The following ELFN1 variants were observed in gnomAD, a reference collection of about 807,000 sequenced individuals.
ELFN1 encodes the protein protein ELFN1.
In ELFN1, 6 loss-of-function variants were observed where a neutral mutation model predicts 7.6. The observed-to-expected ratio is 0.79, with a 90% CI of 0.43 to 1.56. ELFN1 has a LOEUF of 1.56. Ranked by LOEUF, ELFN1 falls within the 40% of genes most tolerant of loss-of-function variation. The probability of loss-of-function intolerance (pLI) is 0.01; values close to 1 mark genes in which losing one functional copy is unlikely to be tolerated. For missense variants in ELFN1, 1,169 were observed against 1,232.2 expected, an observed-to-expected ratio of 0.95 and a Z score of 0.77; for synonymous variants, 657 against 588.1, an observed-to-expected ratio of 1.12 and a Z score of -1.70.
rs1202196779 is a variant in ELFN1, at chr7:1,705,018, G to T, written c.-455-4073G>T. Among the ~76,000 whole-genome samples, 1 of 152,164 alleles carries T rather than the reference G, an allele frequency of 6.6e-6. No homozygotes were observed. Among genetic ancestry groups the T allele is most frequent in the Admixed American group, 6.5e-5 (1 of 15,284 alleles). On this transcript the variant is annotated intron_variant, in intron 2 of 3. Coordinates refer to ENST00000424383, the MANE Select transcript of ELFN1 (RefSeq NM_001128636.4). This position sits in a 1 kb window ranked among gnomAD's most constrained non-coding sequence, Gnocchi z 4.3. ...GGGTGGGTCTGCGAGAGGCTCCCAGGCAGAGGGCACAGCAAGTGCAGAGGG... is the reference window on the plus strand; with the variant it reads ...GGGTGGGTCTGCGAGAGGCTCCCAGTCAGAGGGCACAGCAAGTGCAGAGGG...
intron 3 of ELFN1, among the ~76,000 whole-genome samples, chr7:1,737,104 C>A (rs1320215651): frequency 6.6e-6 from 1 of 152,222 alleles, no homozygotes; most frequent in Non-Finnish European, 1.5e-5. Context: ...ATGGCTCGAA[C>A]ACACCCCCTC....
At chr7:1,674,810 G>T (rs2128573882) in intron 1 of ELFN1, among the ~76,000 whole-genome samples, 1 of 152,282 alleles carries the variant, frequency 6.6e-6, no homozygotes, top group Admixed American at 6.5e-5. Flanking sequence ...GGGCTTCCGA[G>T]GGAGGGATGG....
chr7:1,696,924 C>T (rs777163460), intron 2 of ELFN1, among the ~76,000 whole-genome samples: 7 of 152,192 alleles, frequency 4.6e-5, no homozygotes, highest in South Asian at 2.1e-4. Flanking sequence ...AGGAAAACAA[C>T]GAGGGCCACA....
At chr7:1,686,501 A>G (rs1185389806) in intron 1 of ELFN1, among the ~76,000 whole-genome samples, 1 of 150,140 alleles carries the variant, frequency 6.7e-6, no homozygotes, top group East Asian at 2.0e-4. Context: ...TTAAATCCCT[A>G]CTTGTTTTAA....
chr7:1,737,674 G>A (rs892008308), intron 3 of ELFN1, among the ~76,000 whole-genome samples: 9 of 152,038 alleles, frequency 5.9e-5, no homozygotes, highest in Non-Finnish European at 7.4e-5. Flanking sequence ...TGTCCTCTGC[G>A]CCAGCTCCTG....
chr7:1,747,553 C>G lies in ELFN1; in HGVS notation c.*470C>G, dbSNP rs1026801851. 3 of 165,828 alleles carry G rather than the reference C, an allele frequency of 1.8e-5. No homozygotes were observed. Among genetic ancestry groups the G allele is most frequent in the Non-Finnish European group, 4.4e-5 (3 of 68,172 alleles). The allele number at this position is 165,828 out of a possible 1,614,324, so 10.3% of individuals were successfully genotyped here. A position where few individuals can be genotyped will look rare whatever the true frequency, so the allele number is the denominator to read the frequency against. ...TGGCCGGCGTGGCCACCTCGGGGCC[C>G]CTCACGTGATCTCCTCGGTCCGTGG... is the stretch of plus-strand genomic sequence containing the variant. On this transcript the variant is annotated 3_prime_UTR_variant, in exon 4 of 4. Coordinates refer to ENST00000424383, the MANE Select transcript of ELFN1 (RefSeq NM_001128636.4).
upstream of ELFN1, among the ~76,000 whole-genome samples, chr7:1,666,209 C>T (rs947013070): frequency 6.6e-6 from 1 of 151,632 alleles, no homozygotes; most frequent in African/African-American, 2.4e-5. This position sits in a 1 kb window ranked among gnomAD's most constrained non-coding sequence, Gnocchi z 7.9. Flanking sequence ...TGTCCGGGGC[C>T]GGGGGACCCC....
intron 3 of ELFN1, among the ~76,000 whole-genome samples, chr7:1,736,207 C>G (rs959720393): frequency 1.3e-5 from 2 of 152,218 alleles, no homozygotes; most frequent in African/African-American, 4.8e-5. Flanking sequence ...TAAACATGAT[C>G]TATCGGCAAA....
intron 3 of ELFN1, 91 bp from the exon 4 acceptor site, chr7:1,744,213 T>G: frequency 4.0e-6 from 1 of 247,538 alleles, no homozygotes; most frequent in Non-Finnish European, 7.6e-6. Flanking sequence ...TCAGGCCACA[T>G]TGGGATGCCG....
chr7:1,741,238 C>T (rs1366630998), intron 3 of ELFN1, among the ~76,000 whole-genome samples: 2 of 152,192 alleles, frequency 1.3e-5, no homozygotes, highest in African/African-American at 4.8e-5. Flanking sequence ...GCCCACCCTT[C>T]CTCCCTGGCA....
chr7:1,714,063 C>T (rs1304365501), intron 3 of ELFN1, among the ~76,000 whole-genome samples: 2 of 152,242 alleles, frequency 1.3e-5, no homozygotes, highest in Non-Finnish European at 1.5e-5. Flanking sequence ...TCATGCCTCA[C>T]ACGGGCGGGC....
At chr7:1,706,098 C>G (rs531082316) in intron 2 of ELFN1, among the ~76,000 whole-genome samples, 37 of 152,316 alleles carry the variant, frequency 2.4e-4, no homozygotes, top group South Asian at 6.2e-4. Flanking sequence ...CACCGCGGAC[C>G]ACATACAAGG....
At position 1,701,111 on chromosome 7, in the gene ELFN1, G is replaced by A. The variant is rs117736228; in HGVS notation, c.-455-7980G>A. On this transcript the variant is annotated intron_variant, in intron 2 of 3. Transcript: ENST00000424383. ...TGTGCGCGTGTGTGTGCGCATATGT[G>A]TGCGTATGTGAGCCTGTGTGTGCAT... Among the ~76,000 whole-genome samples, 1,452 of 151,444 alleles carry A rather than the reference G, an allele frequency of 9.6e-3. 11 individuals are homozygous for A. The highest frequency in any genetic ancestry group is 0.02 in the African/African-American group (827 of 41,244).
At chr7:1,723,141 C>G (rs1365514447) in intron 3 of ELFN1, among the ~76,000 whole-genome samples, 1 of 152,158 alleles carries the variant, frequency 6.6e-6, no homozygotes, top group African/African-American at 2.4e-5. Context: ...TTGCAGTGAG[C>G]CAAGATCGCA....
rs1778743483 is a variant in ELFN1, at chr7:1,670,478, C to T, written c.-549+124C>T. The stretch of plus-strand genomic sequence containing the variant: ...CGGGCGTCCCCGAGTGCGCAGCGTG[C>T]GCCCCCAGCCCCTGCTGCGCCCCCA... On this transcript the variant is annotated intron_variant, in intron 1 of 3. Transcript: ENST00000424383. This position sits in a 1 kb window ranked among gnomAD's most constrained non-coding sequence, Gnocchi z 6.4. Among the ~76,000 whole-genome samples the T allele has an allele frequency of 1.3e-5, 2 of 151,724 alleles. No homozygotes were observed. Among genetic ancestry groups the T allele is most frequent in the East Asian group, 2.0e-4 (1 of 5,104 alleles).
At chr7:1,678,746 C>T (rs144812406) in intron 1 of ELFN1, among the ~76,000 whole-genome samples, 1 of 152,376 alleles carries the variant, frequency 6.6e-6, no homozygotes, top group East Asian at 1.9e-4. Context: ...TCACTTTGCC[C>T]TCTGTCTGCC....
chr7:1,694,182 C>A (rs1779247680), intron 2 of ELFN1: 3 of 206,754 alleles, frequency 1.5e-5, no homozygotes, highest in Admixed American at 5.1e-5. Flanking sequence ...TGCCCACCTC[C>A]ATCTGGAAGG....
chr7:1,726,283 C>G (rs1273253024), intron 3 of ELFN1, among the ~76,000 whole-genome samples: 1 of 152,182 alleles, frequency 6.6e-6, no homozygotes, highest in Non-Finnish European at 1.5e-5. Context: ...TGCTCCCACC[C>G]CAAGCCGAGA....
intron 3 of ELFN1, among the ~76,000 whole-genome samples, chr7:1,719,517 C>CATGG (rs1457307796): frequency 6.6e-6 from 1 of 152,234 alleles, no homozygotes; most frequent in Non-Finnish European, 1.5e-5. Context: ...GTGTCTTAGA[C>CATGG]ATGGCCCTGT....
Sources: allele counts gnomAD v4.1 joint callset (sites outside exome capture counted in the v4.1 genomes callset), GRCh38; gene constraint gnomAD v4.1.1; non-coding constraint Gnocchi (gnomAD v3.1); transcripts MANE v1.5; gene names NCBI Gene and HGNC (gene_info 2026-07-23, HGNC 2026-07-21).